The following UPP2 variants were observed in gnomAD, a reference collection of about 807,000 sequenced individuals.
UPP2 encodes the protein UPase 2.
A neutral mutation model predicts 26.7 loss-of-function variants in UPP2; 23 were observed. That is an observed-to-expected ratio of 0.86 (90% CI 0.62 to 1.22). UPP2 has a LOEUF of 1.22. UPP2 is among the 50% of genes most tolerant of loss of function. UPP2 has a pLI of 0.00. For missense variants in UPP2, 387 were observed against 396.7 expected (o/e 0.98, Z 0.21); for synonymous variants, 127 against 141.3 (o/e 0.90, Z 0.72).
At chr2:158,072,183 G>A (rs1682553547) in intron 3 of UPP2, among the ~76,000 whole-genome samples, 1 of 152,144 alleles carries the variant, frequency 6.6e-6, no homozygotes. Context: ...TATTGGTGGT[G>A]GCATGGCAGA....
intron 2 of UPP2, among the ~76,000 whole-genome samples, chr2:158,113,919 A>T (rs1683370043): frequency 6.6e-6 from 1 of 152,336 alleles, no homozygotes; most frequent in Non-Finnish European, 1.5e-5. Flanking sequence ...GCTACATGAT[A>T]TAAAAAATAA....
intron 3 of UPP2, among the ~76,000 whole-genome samples, chr2:158,059,760 C>T (rs1198218145): frequency 6.6e-6 from 1 of 152,038 alleles, no homozygotes. Context: ...TCCTTTTTTC[C>T]ATCCTTTTCC....
rs183058453 is a variant in UPP2, at chr2:157,995,752, G to A, written c.61+493G>A. Among the ~76,000 whole-genome samples, 9 of 151,976 alleles carry A rather than the reference G, an allele frequency of 5.9e-5. No homozygotes were observed. In the East Asian group the frequency reaches 1.4e-3, roughly 23 times the overall value. ...ACACAGACTTACAAAATAGAAAATG[G>A]TGGGCATAATTTTTTGTAATCTGGA... On this transcript the variant is annotated intron_variant, in intron 2 of 9. Coordinates refer to the UPP2 transcript ENST00000605860.
intron 6 of UPP2, among the ~76,000 whole-genome samples, chr2:158,124,651 C>T (rs1683654820): frequency 6.6e-6 from 1 of 152,120 alleles, no homozygotes; most frequent in Non-Finnish European, 1.5e-5. Flanking sequence ...AGTTGATGGA[C>T]AAAGTGATAG....
chr2:158,071,986 G>A (rs995411207), intron 3 of UPP2, among the ~76,000 whole-genome samples: 9 of 152,140 alleles, frequency 5.9e-5, no homozygotes, highest in African/African-American at 1.7e-4. Context: ...CCTTAGGTAC[G>A]TATTTGGCTA....
chr2:158,088,180 T>A lies in UPP2; in HGVS notation c.148-13860T>A, dbSNP rs541844714. 9.5e-4 allele frequency among the ~76,000 whole-genome samples: 144 copies of A among 152,350 alleles called. 4 individuals carry two copies. In the South Asian group the frequency reaches 0.024, roughly 25 times the overall value. On this transcript the variant is annotated intron_variant, in intron 3 of 9. Coordinates refer to the UPP2 transcript ENST00000605860. ...CTTCTTGGAGGCATTATTCATTTTT[T>A]AAAATTCTTTCTTCCTCTTCTTTGT...
intron 1 of UPP2, among the ~76,000 whole-genome samples, chr2:158,104,953 A>G (rs1343693202): frequency 1.2e-4 from 8 of 64,908 alleles, no homozygotes; most frequent in African/African-American, 5.5e-4. Context: ...AAGGGAAGGG[A>G]AGGGAAGGGA....
At chr2:158,104,931 G>A (rs894946800) in intron 1 of UPP2, among the ~76,000 whole-genome samples, 6 of 38,974 alleles carry the variant, frequency 1.5e-4, no homozygotes, top group African/African-American at 9.9e-4. Context: ...GGAAGGGAAG[G>A]GAAGGGAAGG....
Position 158,122,321 on chromosome 2 carries a change from TA to T in UPP2, c.664+706del, listed in dbSNP as rs1329095975. Among the ~76,000 whole-genome samples, 3 of 152,156 alleles carry T rather than the reference TA, an allele frequency of 2.0e-5. No individual in the cohort carries two copies. In the East Asian group the frequency reaches 5.8e-4, roughly 29 times the overall value. ...TTTCAAAATCCATACTATTTCATTA[TA>T]AATTACTTTTATTTTCCCTTTAGCT... On this transcript the variant is annotated intron_variant, in intron 5 of 6. Coordinates refer to ENST00000005756, the MANE Select transcript of UPP2 (RefSeq NM_173355.4).
upstream of UPP2, among the ~76,000 whole-genome samples, chr2:158,101,237 T>C (rs561548206): frequency 1.2e-4 from 18 of 152,318 alleles, no homozygotes; most frequent in African/African-American, 4.3e-4. Flanking sequence ...AAGTGAAAAG[T>C]GAGAAGCATT....
intron 2 of UPP2, among the ~76,000 whole-genome samples, chr2:157,997,299 C>A (rs577202092): frequency 4.0e-5 from 6 of 151,822 alleles, no homozygotes; most frequent in African/African-American, 9.7e-5. Context: ...ATTTTGGGAA[C>A]CTTTGCTCAT....
upstream of UPP2, among the ~76,000 whole-genome samples, chr2:158,099,665 C>G (rs1683042304): frequency 6.6e-6 from 1 of 152,112 alleles, no homozygotes; most frequent in African/African-American, 2.4e-5. Flanking sequence ...AAAGCATGGT[C>G]TCAGGGAGGC....
intron 2 of UPP2, among the ~76,000 whole-genome samples, chr2:158,111,784 G>A (rs946052834): frequency 6.6e-6 from 1 of 151,798 alleles, no homozygotes; most frequent in Admixed American, 6.6e-5. Flanking sequence ...TTTAGTGGTT[G>A]CTCTAAGGAT....
chr2:158,115,796 A>G (rs1683417427), intron 3 of UPP2, among the ~76,000 whole-genome samples: 1 of 152,214 alleles, frequency 6.6e-6, no homozygotes, highest in Non-Finnish European at 1.5e-5. Flanking sequence ...GTTTTAGGGA[A>G]GATGCAGACC....
intron 3 of UPP2, among the ~76,000 whole-genome samples, chr2:158,058,621 C>T (rs983134370): frequency 1.3e-5 from 2 of 151,940 alleles, no homozygotes; most frequent in African/African-American, 4.8e-5. Flanking sequence ...GCCATCCAGT[C>T]TGTGGTATTT....
rs1009938584 is a variant in UPP2 at position 158,101,926 on chromosome 2, G to A, written c.-138G>A. 7.3e-7 allele frequency: 1 copy of A among 1,372,156 alleles called. No homozygotes were observed. Among genetic ancestry groups the A allele is most frequent in the East Asian group, 2.7e-5 (1 of 36,610 alleles). 85.0% of individuals were successfully genotyped at this position (1,372,156 alleles called of 1,614,324 possible). A position where few individuals can be genotyped will look rare whatever the true frequency, so the allele number is the denominator to read the frequency against. ...AAAAATTTTCTTAGCAATTTCACAG[G>A]AAAACCTAAGTTTTAAGAGAGGTTA... On this transcript the variant is annotated 5_prime_UTR_variant, in exon 1 of 7. Transcript: ENST00000005756.
At chr2:158,085,935 T>A (rs1682807617) in intron 3 of UPP2, among the ~76,000 whole-genome samples, 1 of 152,112 alleles carries the variant, frequency 6.6e-6, no homozygotes, top group Admixed American at 6.5e-5. Flanking sequence ...TGTATCTTTG[T>A]ACGTTCATCA....
intron 2 of UPP2, among the ~76,000 whole-genome samples, chr2:158,113,310 C>T (rs150859953): frequency 9.7e-4 from 147 of 152,328 alleles, no homozygotes; most frequent in African/African-American, 3.3e-3. Context: ...AACTACCGTA[C>T]TGTGTTAAAA....
chr2:158,019,554 T>C (rs543853525), intron 3 of UPP2, among the ~76,000 whole-genome samples: 90 of 151,702 alleles, frequency 5.9e-4, no homozygotes, highest in Non-Finnish European at 9.7e-4. Context: ...AAAGAATTAT[T>C]GAAAATTCTC....
Sources: gnomAD v4.1 joint callset for allele counts (sites outside exome capture counted in the v4.1 genomes callset) on GRCh38, gnomAD v4.1.1 for gene constraint, MANE v1.5 for transcripts, NCBI Gene and HGNC (gene_info 2026-07-23, HGNC 2026-07-21) for gene names.